CDH13: variants seen among roughly 807,000 people sequenced by gnomAD.
The protein encoded by CDH13 is cadherin-13.
In CDH13, 24 loss-of-function variants were observed where a neutral mutation model predicts 63.8. That is an observed-to-expected ratio of 0.38 (90% CI 0.27 to 0.53). CDH13 has a LOEUF of 0.53. CDH13 is among the 20% of genes least tolerant of loss of function. The pLI is 0.85. For missense variants in CDH13, 1,049 were observed against 903.1 expected (o/e 1.16, Z -2.07); for synonymous variants, 503 against 355.3 (o/e 1.42, Z -4.67).
intron 7 of CDH13, among the ~76,000 whole-genome samples, chr16:83,536,209 C>T (rs1019767569): frequency 6.6e-6 from 1 of 152,100 alleles, no homozygotes; most frequent in African/African-American, 2.4e-5. Flanking sequence ...GAGTAAAAAC[C>T]AACAGTCATT....
At chr16:83,445,060 G>A (rs536970755) in intron 6 of CDH13, among the ~76,000 whole-genome samples, 2 of 152,154 alleles carry the variant, frequency 1.3e-5, no homozygotes, top group Admixed American at 6.5e-5. Context: ...GCCTTTCAGG[G>A]ATTATTTATA....
At chr16:83,130,977 C>T (rs1359266960) in intron 4 of CDH13, among the ~76,000 whole-genome samples, 1 of 152,048 alleles carries the variant, frequency 6.6e-6, no homozygotes, top group Non-Finnish European at 1.5e-5. Flanking sequence ...CAGGGTTATT[C>T]AGGCAGCTCC....
Position 83,512,584 on chromosome 16 carries a change from T to A in CDH13, c.960+25929T>A, listed in dbSNP as rs1006550895. 8.6e-5 allele frequency among the ~76,000 whole-genome samples: 13 copies of A among 150,600 alleles called. No individual in the cohort carries two copies. In the South Asian group the frequency reaches 2.7e-3, roughly 31 times the overall value. On this transcript the variant is annotated intron_variant, in intron 7 of 13. Transcript: ENST00000567109. ...TCAGGAGGCTGACACAGAAGAATCA[T>A]TTGAACCCAGGAGGTGGAGGTTGCA...
chr16:82,752,324 G>A (rs1169927969), intron 1 of CDH13, among the ~76,000 whole-genome samples: 1 of 152,164 alleles, frequency 6.6e-6, no homozygotes, highest in Non-Finnish European at 1.5e-5. Flanking sequence ...ATAGAGAGCG[G>A]CGTGCAGAAA....
chr16:83,545,129 G>T (rs1598264840), intron 7 of CDH13, among the ~76,000 whole-genome samples: 1 of 152,226 alleles, frequency 6.6e-6, no homozygotes, highest in East Asian at 1.9e-4. Context: ...ACCCAACCAG[G>T]ATTTAATTAG....
chr16:83,223,396 A>G (rs1199725900), intron 5 of CDH13, among the ~76,000 whole-genome samples: 1 of 152,238 alleles, frequency 6.6e-6, no homozygotes, highest in East Asian at 1.9e-4. Flanking sequence ...TGGAACACGC[A>G]TGCTCTAATC....
chr16:82,958,792 T>G (rs1224183748), intron 2 of CDH13, among the ~76,000 whole-genome samples: 1 of 152,224 alleles, frequency 6.6e-6, no homozygotes, highest in African/African-American at 2.4e-5. Flanking sequence ...ACGGTTAACT[T>G]GGGGTCAACA....
At chr16:83,737,670 G>C (rs1911664941) in intron 10 of CDH13, among the ~76,000 whole-genome samples, 3 of 152,096 alleles carry the variant, frequency 2.0e-5, no homozygotes, top group African/African-American at 4.8e-5. Flanking sequence ...TGGTGAATCA[G>C]AGCCACCTGG....
chr16:83,169,361 G>A (rs370999303), intron 4 of CDH13, among the ~76,000 whole-genome samples: 2 of 152,054 alleles, frequency 1.3e-5, no homozygotes, highest in African/African-American at 4.8e-5. Context: ...ATTTTTAGTA[G>A]AGACAGGATT....
At chr16:83,156,139 G>T (rs1254424985) in intron 4 of CDH13, among the ~76,000 whole-genome samples, 1 of 152,174 alleles carries the variant, frequency 6.6e-6, no homozygotes, top group African/African-American at 2.4e-5. Flanking sequence ...GCACAAAGAG[G>T]CTTGGTTTGT....
intron 7 of CDH13, among the ~76,000 whole-genome samples, chr16:83,600,808 C>A (rs139004930): frequency 6.6e-6 from 1 of 152,132 alleles, no homozygotes; most frequent in Admixed American, 6.5e-5. Context: ...AGTTCACAGG[C>A]GGGTCTGGCT....
chr16:82,828,995 T>C (rs2151109842), intron 1 of CDH13, among the ~76,000 whole-genome samples: 1 of 152,218 alleles, frequency 6.6e-6, no homozygotes, highest in East Asian at 1.9e-4. Context: ...CAAGATTAGA[T>C]ACCTTAGGCT....
rs372232623 is a variant in CDH13, at chr16:82,856,992, T to C, written c.46-1370T>C. ...AGGATGTTAATTTCCAAACACTCTC[T>C]TCTGGCACTATGCTCAGATAAAATA... On this transcript the variant is annotated intron_variant, in intron 1 of 13. Coordinates refer to ENST00000567109, the MANE Select transcript of CDH13 (RefSeq NM_001257.5). 1.0e-3 allele frequency among the ~76,000 whole-genome samples: 158 copies of C among 152,314 alleles called. 3 individuals carry two copies. In the South Asian group the frequency reaches 0.031, roughly 30 times the overall value.
chr16:83,088,776 T>G (rs1380791861), intron 3 of CDH13, among the ~76,000 whole-genome samples: 2 of 152,220 alleles, frequency 1.3e-5, no homozygotes, highest in African/African-American at 4.8e-5. Context: ...TAAATGAGCT[T>G]TATGGTAATT....
At chr16:83,612,298 A>G (rs1908929318) in intron 8 of CDH13, among the ~76,000 whole-genome samples, 1 of 151,978 alleles carries the variant, frequency 6.6e-6, no homozygotes, top group African/African-American at 2.4e-5. Flanking sequence ...TTTAACATTT[A>G]TCTCATCTCG....
intron 5 of CDH13, among the ~76,000 whole-genome samples, chr16:83,334,514 G>A (rs1004641561): frequency 6.9e-6 from 1 of 144,966 alleles, no homozygotes; most frequent in Non-Finnish European, 1.5e-5. Flanking sequence ...TGGGAGTACA[G>A]GCATGCACCG....
chr16:82,705,179 C>A (rs185328488), intron 1 of CDH13: 19 of 455,872 alleles, frequency 4.2e-5, no homozygotes, highest in African/African-American at 3.8e-4. Flanking sequence ...AAACAGATTG[C>A]TTCCAGGACT....
At chr16:83,346,045 C>T (rs1020405380) in intron 6 of CDH13, among the ~76,000 whole-genome samples, 18 of 152,150 alleles carry the variant, frequency 1.2e-4, no homozygotes, top group African/African-American at 3.4e-4. Flanking sequence ...TAAAACCTCC[C>T]GTCAGCTTCA....
intron 2 of CDH13, among the ~76,000 whole-genome samples, chr16:82,874,464 C>T (rs1335065216): frequency 6.6e-6 from 1 of 151,872 alleles, no homozygotes; most frequent in Non-Finnish European, 1.5e-5. Flanking sequence ...GAGAAGTGGC[C>T]AAGTGCTGCA....
Sources: allele counts gnomAD v4.1 joint callset (sites outside exome capture counted in the v4.1 genomes callset), GRCh38; gene constraint gnomAD v4.1.1; transcripts MANE v1.5; gene names NCBI Gene and HGNC (gene_info 2026-07-23, HGNC 2026-07-21).